RNGTT: variants seen among roughly 807,000 people sequenced by gnomAD.
The protein encoded by RNGTT is mRNA-capping enzyme.
In RNGTT, 33 loss-of-function variants were observed where a neutral mutation model predicts 79.3. That is an observed-to-expected ratio of 0.42 (90% confidence interval 0.32 to 0.56). The LOEUF (loss-of-function observed/expected upper bound fraction) is 0.56, where lower values mean the gene tolerates loss of function less well. Among genes scored for constraint, RNGTT ranks in the 20% least tolerant of loss-of-function variants. The pLI, the probability that RNGTT is intolerant of heterozygous loss-of-function variation, is 0.17. For missense variants in RNGTT, 497 were observed against 739.1 expected (o/e 0.67, Z 3.80); for synonymous variants, 222 against 235.9 (o/e 0.94, Z 0.54).
At chr6:88,930,310 T>A (rs1452715327) in intron 2 of RNGTT, among the ~76,000 whole-genome samples, 1 of 151,038 alleles carries the variant, frequency 6.6e-6, no homozygotes, top group Non-Finnish European at 1.5e-5. Flanking sequence ...TACTGAAGCC[T>A]CAAGTTACAT....
intron 12 of RNGTT, among the ~76,000 whole-genome samples, chr6:88,789,256 C>T (rs145839622): frequency 2.0e-5 from 3 of 152,180 alleles, no homozygotes; most frequent in African/African-American, 7.2e-5. Flanking sequence ...CCCATCGCTA[C>T]TAAAAATACA....
At chr6:88,629,466 G>A (rs1413750657) in intron 14 of RNGTT, among the ~76,000 whole-genome samples, 5 of 152,044 alleles carry the variant, frequency 3.3e-5, no homozygotes, top group South Asian at 2.1e-4. Flanking sequence ...CACAATTCAC[G>A]TTCTTAAAGA....
At chr6:88,738,255 C>T (rs1777350126) in intron 13 of RNGTT, among the ~76,000 whole-genome samples, 1 of 152,084 alleles carries the variant, frequency 6.6e-6, no homozygotes, top group Admixed American at 6.6e-5. Context: ...TTGAGCAGTG[C>T]TTCTCACAAC....
At chr6:88,806,159 C>G (rs145529133) in intron 11 of RNGTT, among the ~76,000 whole-genome samples, 1 of 152,044 alleles carries the variant, frequency 6.6e-6, no homozygotes, top group Non-Finnish European at 1.5e-5. Flanking sequence ...CACACACACA[C>G]ATACACAAAG....
At chr6:88,733,335 A>G (rs1777175465) in intron 13 of RNGTT, among the ~76,000 whole-genome samples, 1 of 152,020 alleles carries the variant, frequency 6.6e-6, no homozygotes, top group Admixed American at 6.6e-5. Context: ...CTGAAGCTTG[A>G]GCAACAGAGA....
At position 88,746,582 on chromosome 6, in the gene RNGTT, C is replaced by T. The variant is rs115819206; in HGVS notation, c.1439+23192G>A. ...ATTAGTTAGATTCTCATAAGGAGCA[C>T]GCAACTTAGATCCCTTGCATGAGCA... On this transcript the variant is annotated intron_variant, in intron 13 of 15. Coordinates refer to ENST00000369485, the MANE Select transcript of RNGTT (RefSeq NM_003800.5). Among the ~76,000 whole-genome samples the T allele has an allele frequency of 2.4e-3, 358 of 152,206 alleles. 2 individuals are homozygous for T. Among genetic ancestry groups the T allele is most frequent in the African/African-American group, 8.1e-3 (338 of 41,524 alleles).
At chr6:88,663,330 G>C (rs1171145684) in intron 14 of RNGTT, among the ~76,000 whole-genome samples, 9 of 152,164 alleles carry the variant, frequency 5.9e-5, no homozygotes, top group African/African-American at 2.2e-4. Context: ...CATTAGAGGT[G>C]AGATGGCCAT....
At chr6:88,958,415 T>C (rs570968345) in intron 1 of RNGTT, among the ~76,000 whole-genome samples, 4 of 152,164 alleles carry the variant, frequency 2.6e-5, no homozygotes, top group Admixed American at 2.6e-4. Flanking sequence ...AAAGAAATAA[T>C]CAGCAGAGTA....
intron 2 of RNGTT, among the ~76,000 whole-genome samples, chr6:88,934,023 A>G (rs1784588381): frequency 6.6e-6 from 1 of 151,766 alleles, no homozygotes; most frequent in African/African-American, 2.4e-5. Context: ...TCTTTATAAT[A>G]GTTTTGTTTT....
chr6:88,835,975 A>AC lies in RNGTT; in HGVS notation c.1269+8381_1269+8382insG, dbSNP rs1781054402. On this transcript the variant is annotated intron_variant, in intron 11 of 15. Coordinates refer to ENST00000369485, the MANE Select transcript of RNGTT (RefSeq NM_003800.5). ...ACAGCAAGACTCTGTCTCTATTAAAAACACACACACACACACACACACACA... is the reference window on the plus strand; with the variant it reads ...ACAGCAAGACTCTGTCTCTATTAAAACACACACACACACACACACACACACA... 1.8e-3 allele frequency among the ~76,000 whole-genome samples: 208 copies of AC among 113,770 alleles called. 2 individuals are homozygous for AC. The highest frequency in any genetic ancestry group is 6.9e-3 in the African/African-American group (199 of 28,964). The allele number at this position is 113,770 out of a possible 152,430, so 74.6% of individuals were successfully genotyped here. A position where few individuals can be genotyped will look rare whatever the true frequency, so the allele number is the denominator to read the frequency against.
At chr6:88,641,295 C>T (rs893242017) in intron 14 of RNGTT, among the ~76,000 whole-genome samples, 9 of 149,258 alleles carry the variant, frequency 6.0e-5, no homozygotes, top group African/African-American at 1.5e-4. Context: ...GCTGAGATGG[C>T]GCCACTGCAC....
At chr6:88,679,432 G>A (rs1381984126) in intron 13 of RNGTT, among the ~76,000 whole-genome samples, 3 of 152,128 alleles carry the variant, frequency 2.0e-5, no homozygotes, top group African/African-American at 7.2e-5. Context: ...TTGGAGATGA[G>A]AACTCGAAGT....
At chr6:88,916,153 T>C (rs118071495) in intron 4 of RNGTT, among the ~76,000 whole-genome samples, 4,194 of 152,324 alleles carry the variant, frequency 0.028, 82 homozygotes, top group Non-Finnish European at 0.046. Context: ...ACCCTCATAC[T>C]GTGGTTTTAC....
intron 12 of RNGTT, among the ~76,000 whole-genome samples, chr6:88,800,012 G>C (rs9344877): frequency 0.13 from 19,439 of 152,022 alleles, 1,422 homozygotes; most frequent in Middle Eastern, 0.23. Context: ...GCTCCTCCAT[G>C]TCCTCCTCCC....
intron 12 of RNGTT, among the ~76,000 whole-genome samples, chr6:88,795,507 G>C (rs1446634892): frequency 1.3e-5 from 2 of 151,998 alleles, no homozygotes; most frequent in Non-Finnish European, 2.9e-5. Flanking sequence ...CACAGGGAGG[G>C]AACATCACAC....
At chr6:88,942,399 T>C (rs62429040) in intron 1 of RNGTT, among the ~76,000 whole-genome samples, 1,994 of 152,162 alleles carry the variant, frequency 0.013, 16 homozygotes, top group Non-Finnish European at 0.019. Flanking sequence ...TGAGACAGGG[T>C]GTCACTCTGT....
intron 1 of RNGTT, among the ~76,000 whole-genome samples, chr6:88,951,738 C>A (rs1785254688): frequency 6.6e-6 from 1 of 152,170 alleles, no homozygotes; most frequent in Admixed American, 6.5e-5. Flanking sequence ...AAAGTAGAAG[C>A]AGCAGCAGGA....
intron 13 of RNGTT, among the ~76,000 whole-genome samples, chr6:88,719,845 C>G (rs1470497723): frequency 6.6e-6 from 1 of 152,162 alleles, no homozygotes. Context: ...CAAAGATGAC[C>G]TAACAGAATT....
chr6:88,647,715 A>AAAAAAAAAAAAAAAAAAAAAAG (rs531898293), intron 14 of RNGTT, among the ~76,000 whole-genome samples: 41 of 142,486 alleles, frequency 2.9e-4, no homozygotes, highest in African/African-American at 1.0e-3. Flanking sequence ...AAAAAAAAAA[A>AAAAAAAAAAAAAAAAAAAAAAG]AAGAAGAAGA....
Sources: gnomAD v4.1 joint callset for allele counts (sites outside exome capture counted in the v4.1 genomes callset) on GRCh38, gnomAD v4.1.1 for gene constraint, MANE v1.5 for transcripts, NCBI Gene and HGNC (gene_info 2026-07-23, HGNC 2026-07-21) for gene names.